The following KDSR variants were observed in gnomAD, a reference collection of about 807,000 sequenced individuals.
KDSR encodes the protein 3-dehydrosphinganine reductase.
In KDSR, 23 loss-of-function variants were observed where a neutral mutation model predicts 41.3. The ratio of observed to expected loss-of-function variants is 0.56; its 90% confidence interval spans 0.40 to 0.79. KDSR has a LOEUF of 0.79. KDSR is among the 30% of genes least tolerant of loss of function. The probability of loss-of-function intolerance (pLI) is 0.00; values close to 1 mark genes in which losing one functional copy is unlikely to be tolerated. For missense variants in KDSR, 351 were observed against 416.8 expected (o/e 0.84, Z 1.37); for synonymous variants, 138 against 151.7 (o/e 0.91, Z 0.66).
intron 8 of KDSR, among the ~76,000 whole-genome samples, chr18:63,337,027 G>A (rs1195293067): frequency 6.7e-6 from 1 of 149,848 alleles, no homozygotes; most frequent in East Asian, 1.9e-4. Flanking sequence ...GTTTTGAAAA[G>A]TAGTAAATTT....
chr18:63,343,989 C>T (rs930222414), intron 7 of KDSR, among the ~76,000 whole-genome samples: 5 of 151,962 alleles, frequency 3.3e-5, no homozygotes, highest in African/African-American at 7.3e-5. Flanking sequence ...CCAGCCTGGG[C>T]GACATAGTGA....
Position 63,331,174 on chromosome 18 carries a change from G to GT in KDSR, c.*607dup, listed in dbSNP as rs1913972986. On this transcript the variant is annotated 3_prime_UTR_variant, in exon 10 of 10. Coordinates refer to ENST00000645214, the MANE Select transcript of KDSR (RefSeq NM_002035.4). Reference sequence around the variant, plus strand: ...GCCATGAGTTTCCACCAGCAGCAGAGTGAGTCCTGAGCACAACACAGGGCT... The same window carrying GT: ...GCCATGAGTTTCCACCAGCAGCAGAGTTGAGTCCTGAGCACAACACAGGGCT... 4.3e-6 allele frequency: 1 copy of GT among 233,118 alleles called. No homozygotes were observed. Among genetic ancestry groups the GT allele is most frequent in the Non-Finnish European group, 8.5e-6 (1 of 118,120 alleles). 14.4% of individuals were successfully genotyped at this position (233,118 alleles called of 1,614,324 possible). A position where few individuals can be genotyped will look rare whatever the true frequency, so the allele number is the denominator to read the frequency against.
At chr18:63,333,407 T>C (rs1302336532) in intron 9 of KDSR, among the ~76,000 whole-genome samples, 1 of 152,238 alleles carries the variant, frequency 6.6e-6, no homozygotes, top group African/African-American at 2.4e-5. Context: ...TTTAAAGCTT[T>C]ATCCTGATGG....
intron 3 of KDSR, among the ~76,000 whole-genome samples, chr18:63,359,098 G>C (rs1454933267): frequency 6.9e-6 from 1 of 144,552 alleles, no homozygotes; most frequent in African/African-American, 2.6e-5. Flanking sequence ...AGGACTGCTT[G>C]AGCCCAGGAG....
At chr18:63,350,015 T>G (rs1042726945) in intron 6 of KDSR, among the ~76,000 whole-genome samples, 1 of 152,322 alleles carries the variant, frequency 6.6e-6, no homozygotes, top group East Asian at 1.9e-4. Flanking sequence ...TATAAGAGGG[T>G]TGGCCACAGT....
rs1352988342 is a variant in KDSR at position 63,337,099 on chromosome 18, TATATATATATGTGA to T, written c.777+1687_777+1700del. On this transcript the variant is annotated intron_variant, in intron 8 of 9. Transcript: ENST00000645214. ...ATATATATATATATGTGACTTTATA[TATATATATATGTGA>T]ATATATATATATATATATATATATG... is the stretch of plus-strand genomic sequence containing the variant. 2.4e-3 allele frequency among the ~76,000 whole-genome samples: 106 copies of T among 44,950 alleles called. 8 individuals are homozygous for T. Among genetic ancestry groups the T allele is most frequent in the Non-Finnish European group, 2.8e-3 (50 of 17,628 alleles). 29.5% of individuals were successfully genotyped at this position (44,950 alleles called of 152,430 possible).
At chr18:63,335,157 T>C (rs1165677462) in intron 9 of KDSR, 100 bp downstream of exon 9, 3 of 697,934 alleles carry the variant, frequency 4.3e-6, no homozygotes, top group Non-Finnish European at 5.0e-6. Flanking sequence ...CAAATAAAGT[T>C]ACTTAGTTTT....
At position 63,355,554 on chromosome 18, in the gene KDSR, A is replaced by G; in HGVS notation, c.265T>C (p.Cys89Arg). The change falls in exon 4 of 10, where the codon TGC becomes CGC. Residue 89 changes from cysteine to arginine, a missense_variant. By Grantham distance (180) the Cys-to-Arg change is radical. Coordinates refer to ENST00000645214, the MANE Select transcript of KDSR (RefSeq NM_002035.4). Reference protein sequence around the residue: ...HSINDKQVVLCISVDVSQDYN... With the variant: ...HSINDKQVVLRISVDVSQDYN... The stretch of plus-strand genomic sequence containing the variant: ...TCTTGAGATACATCAACTGATATGC[A>G]AAGCACCACCTGTTAAAAAAGAAAA... 6.3e-7 allele frequency: 1 copy of G among 1,587,068 alleles called. No individual in the cohort carries two copies. The highest frequency in any genetic ancestry group is 1.2e-5 in the South Asian group (1 of 85,692).
chr18:63,334,637 CCG>C (rs1914103527), intron 9 of KDSR, among the ~76,000 whole-genome samples: 1 of 152,218 alleles, frequency 6.6e-6, no homozygotes, highest in African/African-American at 2.4e-5. Context: ...GCGTGAGCCA[CCG>C]CGCCCGGACT....
chr18:63,357,592 A>T (rs71353386), intron 3 of KDSR, among the ~76,000 whole-genome samples: 46,311 of 117,510 alleles, frequency 0.39, 10,102 homozygotes, highest in East Asian at 0.66. Flanking sequence ...ATATATATAT[A>T]TATTTTTTTT....
rs2850765 is a variant in KDSR, at chr18:63,330,216, T to C, written c.*1566A>G. 0.19 allele frequency: 37,887 copies of C among 201,512 alleles called. 3,898 individuals carry two copies. Among genetic ancestry groups the C allele is most frequent in the Middle Eastern group, 0.26 (150 of 586 alleles). The allele number at this position is 201,512 out of a possible 1,614,324, so 12.5% of individuals were successfully genotyped here. A position where few individuals can be genotyped will look rare whatever the true frequency, so the allele number is the denominator to read the frequency against. Reference sequence around the variant, plus strand: ...AATTTTTAGGTCTTCAATTTTTGTATAGAGTTTTTATGTTTTTTAAGTTTT... The same window carrying C: ...AATTTTTAGGTCTTCAATTTTTGTACAGAGTTTTTATGTTTTTTAAGTTTT... On this transcript the variant is annotated 3_prime_UTR_variant, in exon 10 of 10. Coordinates refer to ENST00000645214, the MANE Select transcript of KDSR (RefSeq NM_002035.4).
rs1225229622 is a variant in KDSR, at chr18:63,329,940, CT to C, written c.*1841del. On this transcript the variant is annotated 3_prime_UTR_variant, in exon 10 of 10. Transcript: ENST00000645214. ...ACTCGATATAATCTGCAAACTTTGG[CT>C]CTGTAAGACTGAAAGATTTATGAAA... The C allele has an allele frequency of 5.2e-6, 1 of 190,582 alleles. No individual in the cohort carries two copies. The highest frequency in any genetic ancestry group is 8.3e-5 in the East Asian group (1 of 12,052). 11.8% of individuals were successfully genotyped at this position (190,582 alleles called of 1,614,324 possible). A position where few individuals can be genotyped will look rare whatever the true frequency, so the allele number is the denominator to read the frequency against.
At chr18:63,351,118 C>G (rs1417222776) in intron 5 of KDSR, 39 bp from the exon 6 acceptor site, 1 of 1,497,582 alleles carries the variant, frequency 6.7e-7, no homozygotes. Flanking sequence ...TCAAAAGCCT[C>G]AAGGCTGTGC....
chr18:63,342,587 G>C (rs985900392), intron 7 of KDSR, among the ~76,000 whole-genome samples: 2 of 152,158 alleles, frequency 1.3e-5, no homozygotes, highest in African/African-American at 4.8e-5. Flanking sequence ...AGGCAAGAAA[G>C]GAAATGTCAC....
intron 7 of KDSR, 91 bp from the exon 8 acceptor site, chr18:63,338,974 A>G: frequency 2.6e-6 from 2 of 766,980 alleles, no homozygotes; most frequent in Non-Finnish European, 4.2e-6. Flanking sequence ...TTTACAAATA[A>G]TTCCAATTTT....
intron 7 of KDSR, among the ~76,000 whole-genome samples, chr18:63,342,474 T>C (rs1392153504): frequency 6.6e-6 from 1 of 152,146 alleles, no homozygotes; most frequent in African/African-American, 2.4e-5. Context: ...ATGAATCTAA[T>C]AGAATGTCCA....
At chr18:63,359,859 G>T in intron 2 of KDSR, 67 bp from the exon 3 acceptor site, 1 of 1,054,002 alleles carries the variant, frequency 9.5e-7, no homozygotes. Flanking sequence ...TTGCAAAGGA[G>T]AGAAAAAAAG....
intron 9 of KDSR, among the ~76,000 whole-genome samples, chr18:63,333,677 A>C (rs1395635571): frequency 2.0e-5 from 3 of 152,198 alleles, no homozygotes; most frequent in African/African-American, 7.2e-5. Context: ...TGGACCTTTT[A>C]TATAAAACCT....
chr18:63,346,272 G>C (rs1797200251), intron 6 of KDSR: 1 of 152,324 alleles, frequency 6.6e-6, no homozygotes, highest in South Asian at 2.1e-4. Flanking sequence ...ATCGGGGCCA[G>C]GTAGTAAGGC....
Sources: allele counts gnomAD v4.1 joint callset (sites outside exome capture counted in the v4.1 genomes callset), GRCh38; gene constraint gnomAD v4.1.1; transcripts MANE v1.5; gene names NCBI Gene and HGNC (gene_info 2026-07-23, HGNC 2026-07-21).